Variants in CDH4 observed in about 807,000 individuals in gnomAD.
CDH4 encodes the protein cadherin 4.
In CDH4, 33 loss-of-function variants were observed where a neutral mutation model predicts 86.0. That is an observed-to-expected ratio of 0.38 (90% CI 0.29 to 0.51). The LOEUF (loss-of-function observed/expected upper bound fraction) is 0.51. Among genes scored for constraint, CDH4 ranks in the 20% least tolerant of loss-of-function variants. CDH4 has a pLI of 0.86. For synonymous variants in CDH4, 555 were observed against 549.4 expected (o/e 1.01, Z -0.14); for missense variants, 1,114 against 1,307.4 (o/e 0.85, Z 2.28).
chr20:61,480,819 A>G lies in CDH4; in HGVS notation c.169+225882A>G, dbSNP rs2085564386. Among the ~76,000 whole-genome samples the G allele has an allele frequency of 6.6e-6, 1 of 152,262 alleles. No individual in the cohort carries two copies. Among genetic ancestry groups the G allele is most frequent in the East Asian group, 1.9e-4 (1 of 5,200 alleles). On this transcript the variant is annotated intron_variant, in intron 2 of 15. Transcript: ENST00000614565. The surrounding 1 kb of genome is among the most constrained non-coding windows in gnomAD (Gnocchi z 5.2). ...CACACCTGCTGGTTGTTTGAAGTTA[A>G]GAAGTTCATGCCCCATCTTTGAACT...
intron 2 of CDH4, among the ~76,000 whole-genome samples, chr20:61,460,544 G>A (rs973326337): frequency 2.0e-5 from 3 of 152,226 alleles, no homozygotes; most frequent in Non-Finnish European, 4.4e-5. Flanking sequence ...GTCCATGTTT[G>A]GGGATAAGGG....
intron 7 of CDH4, among the ~76,000 whole-genome samples, chr20:61,880,007 C>T (rs1021121205): frequency 5.3e-5 from 8 of 152,120 alleles, no homozygotes; most frequent in Non-Finnish European, 8.8e-5. Flanking sequence ...CACACCTCCC[C>T]GAACGTCTTC....
chr20:61,353,185 C>T (rs897206913), intron 2 of CDH4, among the ~76,000 whole-genome samples: 30 of 152,134 alleles, frequency 2.0e-4, no homozygotes, highest in African/African-American at 6.8e-4. Flanking sequence ...AAAGCATATA[C>T]ATGATGAATG....
intron 3 of CDH4, among the ~76,000 whole-genome samples, chr20:61,747,966 G>A (rs940967247): frequency 1.3e-5 from 2 of 151,980 alleles, no homozygotes; most frequent in Non-Finnish European, 2.9e-5. Flanking sequence ...GCACCTGGAT[G>A]CTTTATAGTA....
At chr20:61,724,399 T>A (rs2145917275) in intron 2 of CDH4, among the ~76,000 whole-genome samples, 1 of 152,264 alleles carries the variant, frequency 6.6e-6, no homozygotes, top group South Asian at 2.1e-4. Flanking sequence ...GGCCCTCACT[T>A]AGAAAACTCT....
At chr20:61,485,615 T>C (rs780426723) in intron 2 of CDH4, among the ~76,000 whole-genome samples, 3 of 152,192 alleles carry the variant, frequency 2.0e-5, no homozygotes, top group Non-Finnish European at 4.4e-5. Context: ...GGGTGGCTCA[T>C]TGACCTCTTC....
At position 61,252,617 on chromosome 20, in the gene CDH4, G is replaced by T; in HGVS notation, c.57+47G>T. 1 of 1,146,288 alleles carries T rather than the reference G, an allele frequency of 8.7e-7. No homozygotes were observed. Among genetic ancestry groups the T allele is most frequent in the South Asian group, 4.4e-5 (1 of 22,960 alleles). The allele number at this position is 1,146,288 out of a possible 1,614,324, so 71.0% of individuals were successfully genotyped here. A position where few individuals can be genotyped will look rare whatever the true frequency, so the allele number is the denominator to read the frequency against. On this transcript the variant is annotated intron_variant, in intron 1 of 15. Coordinates refer to ENST00000614565, the MANE Select transcript of CDH4 (RefSeq NM_001794.5). The surrounding 1 kb of genome is among the most constrained non-coding windows in gnomAD (Gnocchi z 4.4). ...CCGCCGTTCGGAAGCCCCGGGCAGC[G>T]GGAGGTCGTCCCCGGATCCCGCGGG... is the stretch of plus-strand genomic sequence containing the variant.
rs142341525 is a variant in CDH4, at chr20:61,743,492, G to A, written c.170-71G>A. The A allele has an allele frequency of 1.5e-4, 176 of 1,185,960 alleles. No homozygotes were observed. In the African/African-American group the frequency reaches 1.8e-3, roughly 12 times the overall value. 73.5% of individuals were successfully genotyped at this position (1,185,960 alleles called of 1,614,324 possible). ...ACTGGGGGCCTGTAGGGCGTCCTGC[G>A]TGGTTGCTGCCATTGTTACCGCCCT... is the stretch of plus-strand genomic sequence containing the variant. On this transcript the variant is annotated intron_variant, in intron 2 of 15. Transcript: ENST00000614565.
chr20:61,741,997 T>C (rs2088345437), intron 2 of CDH4, among the ~76,000 whole-genome samples: 1 of 152,230 alleles, frequency 6.6e-6, no homozygotes, highest in African/African-American at 2.4e-5. Flanking sequence ...ATCACAGCAC[T>C]GTCATTTTTA....
At chr20:61,267,786 G>C (rs1327671613) in intron 2 of CDH4, among the ~76,000 whole-genome samples, 6 of 152,152 alleles carry the variant, frequency 3.9e-5, no homozygotes, top group Admixed American at 3.9e-4. Flanking sequence ...GAGAGGAGCT[G>C]GGCACTCTCT....
chr20:61,770,296 C>T (rs1036297766), intron 3 of CDH4, among the ~76,000 whole-genome samples: 5 of 152,196 alleles, frequency 3.3e-5, no homozygotes, highest in Non-Finnish European at 7.3e-5. Context: ...GTGGTGTGGA[C>T]CCCCACTGCC....
chr20:61,667,119 G>A (rs1193484764), intron 2 of CDH4, among the ~76,000 whole-genome samples: 2 of 152,262 alleles, frequency 1.3e-5, no homozygotes, highest in Admixed American at 1.3e-4. Flanking sequence ...AGAAAATTGG[G>A]ACAATGTGAT....
intron 2 of CDH4, among the ~76,000 whole-genome samples, chr20:61,348,601 G>A (rs1029193645): frequency 2.0e-5 from 3 of 151,958 alleles, no homozygotes; most frequent in Non-Finnish European, 2.9e-5. Flanking sequence ...TTTCACTTCC[G>A]GTGTTTAAAT....
chr20:61,531,780 A>G (rs1222123948), intron 2 of CDH4, among the ~76,000 whole-genome samples: 1 of 152,220 alleles, frequency 6.6e-6, no homozygotes, highest in Non-Finnish European at 1.5e-5. Flanking sequence ...CCTGACGCAC[A>G]GGCCTGGAGC....
chr20:61,892,670 C>G (rs1984873419), intron 7 of CDH4, among the ~76,000 whole-genome samples: 1 of 152,154 alleles, frequency 6.6e-6, no homozygotes, highest in Admixed American at 6.6e-5. Context: ...GGAGCTTTTG[C>G]TGCATAATAA....
At position 61,894,802 on chromosome 20, in the gene CDH4, C is replaced by T. The variant is rs1268377184; in HGVS notation, c.1051-108C>T. 48 of 1,242,924 alleles carry T rather than the reference C, an allele frequency of 3.9e-5. No individual in the cohort carries two copies. In the East Asian group the frequency reaches 6.9e-4, roughly 18 times the overall value. The allele number at this position is 1,242,924 out of a possible 1,614,324, so 77.0% of individuals were successfully genotyped here. Reference sequence around the variant, plus strand: ...CACACAGCCCCCAGTGAAAGAGAACCGGTTCCAGGAACTCCGTTCCTGTAA... The same window carrying T: ...CACACAGCCCCCAGTGAAAGAGAACTGGTTCCAGGAACTCCGTTCCTGTAA... On this transcript the variant is annotated intron_variant, in intron 7 of 15. Coordinates refer to ENST00000614565, the MANE Select transcript of CDH4 (RefSeq NM_001794.5).
At chr20:61,607,381 A>T (rs1181397039) in intron 2 of CDH4, among the ~76,000 whole-genome samples, 1 of 152,148 alleles carries the variant, frequency 6.6e-6, no homozygotes, top group African/African-American at 2.4e-5. Flanking sequence ...TCCACTTAAG[A>T]TGAGAAGGTC....
Position 61,700,813 on chromosome 20 carries a change from G to C in CDH4, c.170-42750G>C, listed in dbSNP as rs553368763. Among the ~76,000 whole-genome samples the C allele has an allele frequency of 1.4e-3, 213 of 152,380 alleles. 6 individuals carry two copies. The East Asian group carries it at 0.033, about 23-fold the overall frequency. The stretch of plus-strand genomic sequence containing the variant: ...GCCTGGGGCAGAGCCGGGGTTGCCG[G>C]CTCAGCGGGTGAGTGCCACATGAGT... On this transcript the variant is annotated intron_variant, in intron 2 of 15. Transcript: ENST00000614565.
rs1197242782 is a variant in CDH4 at position 61,773,164 on chromosome 20, C to T, written c.558C>T (p.Phe186=). 7.6e-6 allele frequency: 12 copies of T among 1,580,928 alleles called. No homozygotes were observed. The highest frequency in any genetic ancestry group is 1.0e-5 in the Non-Finnish European group (12 of 1,163,766). ...INVPENSRGP[F]PQQLVRIRSD... ...TGCCCGAGAACTCGCGCGGGCCCTT[C>T]CCGCAGCAGCTCGTGAGGGTGAGTG... Residue 186 remains phenylalanine (F), a synonymous_variant, in exon 4 of 16, where the codon TTC becomes TTT. Transcript: ENST00000614565.
Sources: allele counts gnomAD v4.1 joint callset (sites outside exome capture counted in the v4.1 genomes callset), GRCh38; gene constraint gnomAD v4.1.1; non-coding constraint Gnocchi (gnomAD v3.1); transcripts MANE v1.5; gene names NCBI Gene and HGNC (gene_info 2026-07-23, HGNC 2026-07-21).